MAP2K6: variants seen among roughly 807,000 people sequenced by gnomAD.
MAP2K6 encodes dual specificity mitogen-activated protein kinase kinase 6.
A neutral mutation model predicts 53.7 loss-of-function variants in MAP2K6; 16 were observed. The observed-to-expected ratio is 0.30, with a 90% CI of 0.20 to 0.45. The LOEUF (loss-of-function observed/expected upper bound fraction) is 0.45, where lower values mean the gene tolerates loss of function less well. Among genes scored for constraint, MAP2K6 ranks in the 20% least tolerant of loss-of-function variants. The pLI is 1.00. For missense variants in MAP2K6, 204 were observed against 411.9 expected (o/e 0.50, Z 4.37); for synonymous variants, 132 against 143.1 (o/e 0.92, Z 0.55).
At chr17:69,464,075 T>G (rs1369295245) in intron 1 of MAP2K6, among the ~76,000 whole-genome samples, 1 of 152,144 alleles carries the variant, frequency 6.6e-6, no homozygotes, top group Non-Finnish European at 1.5e-5. Context: ...TGTTTTTATT[T>G]TATTTTTTAA....
intron 1 of MAP2K6, among the ~76,000 whole-genome samples, chr17:69,463,075 C>G (rs1461653180): frequency 6.6e-6 from 1 of 150,984 alleles, no homozygotes; most frequent in Admixed American, 6.6e-5. Flanking sequence ...ACACTGCTGC[C>G]CCTGCTGACC....
At chr17:69,452,940 T>A (rs756922452) in intron 1 of MAP2K6, among the ~76,000 whole-genome samples, 1 of 152,362 alleles carries the variant, frequency 6.6e-6, no homozygotes, top group South Asian at 2.1e-4. Flanking sequence ...ACTTTGGTGC[T>A]GTCTTTCATT....
chr17:69,480,663 T>C (rs1389309577), intron 1 of MAP2K6, among the ~76,000 whole-genome samples: 1 of 152,198 alleles, frequency 6.6e-6, no homozygotes, highest in African/African-American at 2.4e-5. Context: ...ATGGGAATGA[T>C]TCAAGTAAAC....
chr17:69,527,756 CTGTT>C (rs1348925312), intron 10 of MAP2K6, among the ~76,000 whole-genome samples: 1 of 152,150 alleles, frequency 6.6e-6, no homozygotes, highest in Non-Finnish European at 1.5e-5. Context: ...GCTCTGAAGG[CTGTT>C]TGAGGTACTG....
intron 10 of MAP2K6, among the ~76,000 whole-genome samples, chr17:69,535,110 C>T (rs143590787): frequency 7.0e-4 from 107 of 152,074 alleles, no homozygotes; most frequent in Admixed American, 9.8e-4. Context: ...TTATTGCCTC[C>T]GGTATCAAAT....
In MAP2K6 at chr17:69,524,199, A is replaced by G. The variant is rs189047273; in HGVS notation, c.663+558A>G. On this transcript the variant is annotated intron_variant, in intron 8 of 11. Transcript: ENST00000590474. Reference sequence around the variant, plus strand: ...ACATAGTTATATATATATTACTTTAAAAAAATCAAGTGAAAGAGATACGTT... The same window carrying G: ...ACATAGTTATATATATATTACTTTAGAAAAATCAAGTGAAAGAGATACGTT... 3.9e-3 allele frequency among the ~76,000 whole-genome samples: 601 copies of G among 152,226 alleles called. 7 individuals carry two copies. The highest frequency in any genetic ancestry group is 0.014 in the African/African-American group (586 of 41,532).
intron 9 of MAP2K6, among the ~76,000 whole-genome samples, chr17:69,525,809 G>A (rs1910741446): frequency 6.6e-6 from 1 of 152,188 alleles, no homozygotes; most frequent in African/African-American, 2.4e-5. Flanking sequence ...TTTGGGTGGG[G>A]ACACAGCCCA....
chr17:69,462,067 G>A (rs1453720245), intron 1 of MAP2K6, among the ~76,000 whole-genome samples: 1 of 152,148 alleles, frequency 6.6e-6, no homozygotes, highest in African/African-American at 2.4e-5. Flanking sequence ...ACAGACATTC[G>A]GGATGGTGGC....
chr17:69,475,039 C>G (rs1908097898), intron 1 of MAP2K6, among the ~76,000 whole-genome samples: 1 of 151,990 alleles, frequency 6.6e-6, no homozygotes, highest in African/African-American at 2.4e-5. Flanking sequence ...GCTGTGCAGT[C>G]TTCTGATTCC....
chr17:69,424,274 A>G (rs942286632), intron 1 of MAP2K6, among the ~76,000 whole-genome samples: 1 of 152,208 alleles, frequency 6.6e-6, no homozygotes, highest in African/African-American at 2.4e-5. Context: ...ACATGTAGAC[A>G]GAGGAGCTTT....
intron 10 of MAP2K6, among the ~76,000 whole-genome samples, chr17:69,527,702 G>GA (rs1910847041): frequency 2.0e-5 from 3 of 152,200 alleles, no homozygotes; most frequent in African/African-American, 7.2e-5. Flanking sequence ...GTGACCCTGG[G>GA]AGGGGAGCCG....
chr17:69,467,448 G>A (rs1175214548), intron 1 of MAP2K6, among the ~76,000 whole-genome samples: 1 of 152,224 alleles, frequency 6.6e-6, no homozygotes, highest in African/African-American at 2.4e-5. Flanking sequence ...TCAGGAGGGG[G>A]AAAGTGGGAG....
At chr17:69,466,342 C>T (rs1038522067) in intron 1 of MAP2K6, among the ~76,000 whole-genome samples, 2 of 151,786 alleles carry the variant, frequency 1.3e-5, no homozygotes, top group African/African-American at 4.8e-5. Context: ...CTCTTTCCAC[C>T]CCCTTCCTCT....
At chr17:69,483,454 A>T (rs1368895004) in intron 1 of MAP2K6, among the ~76,000 whole-genome samples, 2 of 152,182 alleles carry the variant, frequency 1.3e-5, no homozygotes, top group East Asian at 3.9e-4. Flanking sequence ...ATTAAAGAAG[A>T]TCTAAATAAA....
At chr17:69,467,615 G>A (rs1178106652) in intron 1 of MAP2K6, among the ~76,000 whole-genome samples, 1 of 152,162 alleles carries the variant, frequency 6.6e-6, no homozygotes, top group African/African-American at 2.4e-5. Flanking sequence ...ACTTCTTGGT[G>A]AGACAACTGA....
At chr17:69,422,124 A>ATTTTTT (rs35694490) in intron 1 of MAP2K6, among the ~76,000 whole-genome samples, 32 of 87,364 alleles carry the variant, frequency 3.7e-4, no homozygotes, top group Non-Finnish European at 4.3e-4. Context: ...AATCATCGTA[A>ATTTTTT]TTTTTTTTTT....
intron 1 of MAP2K6, among the ~76,000 whole-genome samples, chr17:69,471,028 G>C (rs1386240293): frequency 6.6e-6 from 1 of 152,136 alleles, no homozygotes; most frequent in Non-Finnish European, 1.5e-5. Context: ...CCTGCACACA[G>C]GAAGAGCTCA....
intron 1 of MAP2K6, among the ~76,000 whole-genome samples, chr17:69,436,094 G>A (rs1272456840): frequency 6.6e-6 from 1 of 151,680 alleles, no homozygotes; most frequent in Admixed American, 6.6e-5. Context: ...GAAGTGAACA[G>A]CTGTCACACT....
At chr17:69,512,326 G>GTTTTT (rs1909867004) in intron 2 of MAP2K6, among the ~76,000 whole-genome samples, 1 of 77,584 alleles carries the variant, frequency 1.3e-5, no homozygotes, top group African/African-American at 5.8e-5. Context: ...GTCTTTCTAA[G>GTTTTT]TGTTTTTTTT....
Sources: allele counts gnomAD v4.1 joint callset (sites outside exome capture counted in the v4.1 genomes callset), GRCh38; gene constraint gnomAD v4.1.1; transcripts MANE v1.5; gene names NCBI Gene and HGNC (gene_info 2026-07-23, HGNC 2026-07-21).